Variants in MAPKAP1 observed in about 807,000 individuals in gnomAD.
The protein encoded by MAPKAP1 is MAPK associated protein 1.
A neutral mutation model predicts 65.7 loss-of-function variants in MAPKAP1; 20 were observed. The observed-to-expected ratio is 0.30, with a 90% confidence interval of 0.21 to 0.44. MAPKAP1 has a LOEUF of 0.44. Among genes scored for constraint, MAPKAP1 ranks in the 20% least tolerant of loss-of-function variants. MAPKAP1 has a pLI of 1.00. For missense variants in MAPKAP1, 423 were observed against 648.0 expected, an observed-to-expected ratio of 0.65 and a Z score of 3.77; for synonymous variants, 222 against 244.3, an observed-to-expected ratio of 0.91 and a Z score of 0.85.
chr9:125,589,599 C>T (rs1477021303), intron 4 of MAPKAP1, among the ~76,000 whole-genome samples: 1 of 152,138 alleles, frequency 6.6e-6, no homozygotes, highest in Non-Finnish European at 1.5e-5. Context: ...CATGCGGTTC[C>T]ATCTTTAACT....
chr9:125,645,662 G>T (rs943898483), intron 4 of MAPKAP1, among the ~76,000 whole-genome samples: 2 of 151,558 alleles, frequency 1.3e-5, no homozygotes, highest in Non-Finnish European at 2.9e-5. Flanking sequence ...ACTTGAAACT[G>T]GGAGGTGGAG....
chr9:125,531,408 T>C (rs903930147), intron 7 of MAPKAP1, among the ~76,000 whole-genome samples: 3 of 152,212 alleles, frequency 2.0e-5, no homozygotes, highest in Non-Finnish European at 2.9e-5. Context: ...TGGAAAAAAG[T>C]ATCTGGCAGA....
At chr9:125,612,030 C>G (rs1231117810) in intron 4 of MAPKAP1, among the ~76,000 whole-genome samples, 2 of 152,012 alleles carry the variant, frequency 1.3e-5, no homozygotes, top group African/African-American at 4.8e-5. Flanking sequence ...GTTGAGTAAC[C>G]CTAATCCAAA....
intron 1 of MAPKAP1, among the ~76,000 whole-genome samples, chr9:125,676,787 G>A (rs1043023110): frequency 1.3e-5 from 2 of 152,148 alleles, no homozygotes; most frequent in Non-Finnish European, 2.9e-5. Flanking sequence ...TTTATACCAT[G>A]TATATTTTAC....
chr9:125,563,646 T>G (rs981526640), intron 5 of MAPKAP1, among the ~76,000 whole-genome samples: 5 of 152,130 alleles, frequency 3.3e-5, no homozygotes, highest in Admixed American at 3.3e-4. Flanking sequence ...AAACATTTGT[T>G]GAATAAATGA....
chr9:125,625,255 T>TAAAAAAAAAAAAAAAAAAA (rs58671780), intron 4 of MAPKAP1, among the ~76,000 whole-genome samples: 9 of 64,710 alleles, frequency 1.4e-4, no homozygotes, highest in African/African-American at 4.8e-4. Flanking sequence ...AATAAATAAA[T>TAAAAAAAAAAAAAAAAAAA]AAAAAAAAAA....
At chr9:125,616,173 A>G (rs1014167212) in intron 4 of MAPKAP1, among the ~76,000 whole-genome samples, 5 of 152,204 alleles carry the variant, frequency 3.3e-5, no homozygotes, top group Non-Finnish European at 7.3e-5. Flanking sequence ...CTGATTAACC[A>G]CACAGAAAAA....
intron 7 of MAPKAP1, among the ~76,000 whole-genome samples, chr9:125,540,830 G>C (rs1830223507): frequency 6.6e-6 from 1 of 152,094 alleles, no homozygotes; most frequent in South Asian, 2.1e-4. Flanking sequence ...TACTTTCTAT[G>C]TGTTACTTTC....
At chr9:125,503,509 T>C (rs1409349170) in intron 8 of MAPKAP1, among the ~76,000 whole-genome samples, 1 of 152,216 alleles carries the variant, frequency 6.6e-6, no homozygotes, top group Non-Finnish European at 1.5e-5. Context: ...ATCAGCTTTT[T>C]AAGTTACCTT....
chr9:125,486,963 T>C (rs376644578), intron 8 of MAPKAP1, among the ~76,000 whole-genome samples: 11 of 152,248 alleles, frequency 7.2e-5, no homozygotes, highest in African/African-American at 2.6e-4. Flanking sequence ...CAGGGAGTAA[T>C]TGCCTGTCTC....
intron 4 of MAPKAP1, among the ~76,000 whole-genome samples, chr9:125,649,772 G>A (rs1452818063): frequency 7.1e-6 from 1 of 140,796 alleles, no homozygotes; most frequent in Non-Finnish European, 1.5e-5. Flanking sequence ...CAAAACAGCT[G>A]CCAATGGGTG....
At chr9:125,598,411 T>C (rs1832203093) in intron 4 of MAPKAP1, among the ~76,000 whole-genome samples, 1 of 152,228 alleles carries the variant, frequency 6.6e-6, no homozygotes, top group Non-Finnish European at 1.5e-5. Flanking sequence ...TAAAATAAAA[T>C]TGACAAAATC....
At chr9:125,689,163 C>T (rs564701969) in intron 1 of MAPKAP1, among the ~76,000 whole-genome samples, 8 of 152,082 alleles carry the variant, frequency 5.3e-5, no homozygotes, top group Non-Finnish European at 8.8e-5. Flanking sequence ...GCCAGCCGGG[C>T]GCGGTGGCTC....
chr9:125,519,374 GCCTGTAAT>G (rs1319006745), intron 7 of MAPKAP1, among the ~76,000 whole-genome samples: 1 of 152,098 alleles, frequency 6.6e-6, no homozygotes, highest in Non-Finnish European at 1.5e-5. Flanking sequence ...GGTTGCTCGT[GCCTGTAAT>G]CCCAGCACTT....
chr9:125,506,619 C>A (rs1436729166), intron 7 of MAPKAP1, among the ~76,000 whole-genome samples: 4 of 152,222 alleles, frequency 2.6e-5, no homozygotes, highest in Non-Finnish European at 4.4e-5. Context: ...ATTATCAAGT[C>A]TGTTGCCACT....
intron 4 of MAPKAP1, among the ~76,000 whole-genome samples, chr9:125,635,279 G>C (rs180697042): frequency 2.4e-4 from 37 of 152,258 alleles, no homozygotes; most frequent in Non-Finnish European, 1.5e-5. Flanking sequence ...ATCGTTTGTG[G>C]CACAAGCCCC....
intron 10 of MAPKAP1, among the ~76,000 whole-genome samples, chr9:125,445,760 T>A (rs555420363): frequency 6.6e-6 from 1 of 152,388 alleles, no homozygotes; most frequent in South Asian, 2.1e-4. Context: ...CTATCGGCAC[T>A]GTTATCCTTG....
At chr9:125,554,536 T>TGA (rs552119856) in intron 6 of MAPKAP1, among the ~76,000 whole-genome samples, 1,655 of 152,270 alleles carry the variant, frequency 0.011, 35 homozygotes, top group African/African-American at 0.037. Flanking sequence ...CGGTGGCTCA[T>TGA]GCCTGTAATC....
chr9:125,501,727 G>A (rs1273475489), intron 8 of MAPKAP1, among the ~76,000 whole-genome samples: 2 of 151,942 alleles, frequency 1.3e-5, no homozygotes, highest in Non-Finnish European at 1.5e-5. Flanking sequence ...TTCTTCCTGT[G>A]TCAATTTTGT....
Sources: gnomAD v4.1 joint callset for allele counts (sites outside exome capture counted in the v4.1 genomes callset) on GRCh38, gnomAD v4.1.1 for gene constraint, MANE v1.5 for transcripts, NCBI Gene and HGNC (gene_info 2026-07-23, HGNC 2026-07-21) for gene names.